USP13: variants seen among roughly 807,000 people sequenced by gnomAD.
USP13 encodes the protein ubiquitin carboxyl-terminal hydrolase 13.
In USP13, 68 loss-of-function variants were observed where a neutral mutation model predicts 107.8. The observed-to-expected ratio is 0.63, with a 90% CI of 0.52 to 0.77. The LOEUF is 0.77. Ranked by LOEUF, USP13 falls within the 30% of genes least tolerant of loss-of-function variation. The pLI is 0.00. For missense variants in USP13, 945 were observed against 1,093.3 expected, an observed-to-expected ratio of 0.86 and a Z score of 1.91; for synonymous variants, 377 against 389.5, an observed-to-expected ratio of 0.97 and a Z score of 0.38.
chr3:179,687,183 C>T (rs1711902355), intron 2 of USP13, among the ~76,000 whole-genome samples: 1 of 152,182 alleles, frequency 6.6e-6, no homozygotes, highest in African/African-American at 2.4e-5. Flanking sequence ...CCAGACTGAA[C>T]ACAGTATTCT....
At chr3:179,776,166 G>A (rs764074017) in intron 19 of USP13, among the ~76,000 whole-genome samples, 6 of 152,152 alleles carry the variant, frequency 3.9e-5, no homozygotes, top group Non-Finnish European at 7.4e-5. Context: ...TAGATCAGGA[G>A]CCAGCAACTT....
intron 8 of USP13, among the ~76,000 whole-genome samples, chr3:179,727,163 GTTTT>G (rs528617941): frequency 4.8e-4 from 55 of 114,350 alleles, no homozygotes; most frequent in African/African-American, 1.4e-3. Flanking sequence ...AATTTTTAAT[GTTTT>G]TTTTTTTTTT....
intron 3 of USP13, among the ~76,000 whole-genome samples, chr3:179,694,002 C>T (rs1712200110): frequency 6.6e-6 from 1 of 151,228 alleles, no homozygotes; most frequent in South Asian, 2.1e-4. Flanking sequence ...GACAGCATCT[C>T]ACTGTGTCAC....
At chr3:179,727,961 G>A (rs1176476678) in intron 8 of USP13, among the ~76,000 whole-genome samples, 1 of 62,932 alleles carries the variant, frequency 1.6e-5, no homozygotes, top group Non-Finnish European at 4.0e-5. Flanking sequence ...GAGGCGGCTG[G>A]CTGGGCGGGG....
intron 12 of USP13, among the ~76,000 whole-genome samples, chr3:179,743,075 C>T (rs898783358): frequency 6.6e-6 from 1 of 152,202 alleles, no homozygotes; most frequent in Non-Finnish European, 1.5e-5. Context: ...CACTATGCAG[C>T]CATGAAAAGG....
intron 1 of USP13, among the ~76,000 whole-genome samples, chr3:179,669,803 C>G (rs1235228177): frequency 6.6e-6 from 1 of 151,526 alleles, no homozygotes; most frequent in Non-Finnish European, 1.5e-5. Flanking sequence ...TGGGTCTAGA[C>G]TATAGCCTCT....
At chr3:179,670,980 A>G (rs1298592854) in intron 1 of USP13, among the ~76,000 whole-genome samples, 1 of 152,052 alleles carries the variant, frequency 6.6e-6, no homozygotes, top group Admixed American at 6.5e-5. Flanking sequence ...TACAGGTGTG[A>G]ACCACCATGT....
intron 1 of USP13, among the ~76,000 whole-genome samples, chr3:179,666,639 C>T (rs1720593963): frequency 6.6e-6 from 1 of 152,216 alleles, no homozygotes; most frequent in Non-Finnish European, 1.5e-5. Flanking sequence ...AAACCTCTCT[C>T]CTGCCCCGCA....
At chr3:179,714,506 G>A (rs888380689) in intron 6 of USP13, among the ~76,000 whole-genome samples, 3 of 152,182 alleles carry the variant, frequency 2.0e-5, no homozygotes, top group Admixed American at 1.3e-4. Context: ...CACCCAGGAC[G>A]GCAGGGCCTA....
chr3:179,773,776 C>G, intron 19 of USP13, among the ~76,000 whole-genome samples: 1 of 152,118 alleles, frequency 6.6e-6, no homozygotes, highest in East Asian at 1.9e-4. Context: ...TCTGTCAGGA[C>G]CATAAATCCT....
chr3:179,667,393 A>G (rs1479112273), intron 1 of USP13, among the ~76,000 whole-genome samples: 1 of 152,198 alleles, frequency 6.6e-6, no homozygotes, highest in Non-Finnish European at 1.5e-5. Context: ...GAAAATCATC[A>G]CTTTTAAAAA....
intron 2 of USP13, among the ~76,000 whole-genome samples, chr3:179,685,431 A>C (rs1185683417): frequency 1.3e-5 from 2 of 152,134 alleles, no homozygotes; most frequent in African/African-American, 4.8e-5. Flanking sequence ...AGTTCCTAAC[A>C]AAGAAGAGGG....
chr3:179,706,609 A>G (rs1473389773), intron 4 of USP13, among the ~76,000 whole-genome samples: 1 of 152,142 alleles, frequency 6.6e-6, no homozygotes, highest in African/African-American at 2.4e-5. Flanking sequence ...ATCTAATTTC[A>G]CCCTTGCAAA....
At chr3:179,690,504 C>T (rs1439029483) in intron 3 of USP13, among the ~76,000 whole-genome samples, 3 of 152,180 alleles carry the variant, frequency 2.0e-5, no homozygotes, top group African/African-American at 7.2e-5. Context: ...GGGTTTAGTG[C>T]TTTGAAGCAA....
intron 6 of USP13, among the ~76,000 whole-genome samples, chr3:179,711,142 T>G (rs1276758704): frequency 6.6e-6 from 1 of 152,226 alleles, no homozygotes; most frequent in Admixed American, 6.5e-5. Flanking sequence ...TGAACTTAAT[T>G]TTTTTAGCTT....
At chr3:179,683,985 G>A (rs912981624) in intron 2 of USP13, among the ~76,000 whole-genome samples, 2 of 151,604 alleles carry the variant, frequency 1.3e-5, no homozygotes, top group South Asian at 2.1e-4. Context: ...TTTTTGAGAC[G>A]GAGTCTCTCT....
intron 1 of USP13, among the ~76,000 whole-genome samples, chr3:179,675,596 G>A (rs1720871424): frequency 6.6e-6 from 1 of 151,692 alleles, no homozygotes; most frequent in Non-Finnish European, 1.5e-5. Context: ...TGCCCAAGCT[G>A]GAGTGCAGTG....
chr3:179,653,296 T>A lies in USP13; in HGVS notation c.71T>A (p.Ile24Asn), dbSNP rs1720141252. The A allele has an allele frequency of 6.4e-7, 1 of 1,573,990 alleles. No individual in the cohort carries two copies. The highest frequency in any genetic ancestry group is 1.4e-5 in the African/African-American group (1 of 74,054). The change falls in exon 1 of 21, where the codon ATC (isoleucine) becomes AAC (asparagine). Residue 24 changes from isoleucine (I) to asparagine (N), a missense_variant. Physicochemically the swap from Ile to Asn is moderately radical, Grantham distance 149. Transcript: ENST00000263966. This position sits in a 1 kb window ranked among gnomAD's most constrained non-coding sequence, Gnocchi z 4.0. ...SGGRKMAAGD[I>N]GELLVPHMPT... ...GGCAGGAAGATGGCTGCAGGAGACA[T>A]CGGCGAGCTGCTAGTGCCCCACATG...
Position 179,653,566 on chromosome 3 carries a change from A to G in USP13, c.168+173A>G. ...TTAGTGAGCGCCCCAGGGCTGCTGCAGCCGAGGACTGGCTCGTGCTGGTGG... is the reference window on the plus strand; with the variant it reads ...TTAGTGAGCGCCCCAGGGCTGCTGCGGCCGAGGACTGGCTCGTGCTGGTGG... On this transcript the variant is annotated intron_variant, in intron 1 of 20. Coordinates refer to ENST00000263966, the MANE Select transcript of USP13 (RefSeq NM_003940.3). The surrounding 1 kb of genome is among the most constrained non-coding windows in gnomAD (Gnocchi z 4.0). 1 of 911,118 alleles carries G rather than the reference A, an allele frequency of 1.1e-6. No homozygotes were observed. The highest frequency in any genetic ancestry group is 1.6e-6 in the Non-Finnish European group (1 of 628,974). The allele number at this position is 911,118 out of a possible 1,614,324, so 56.4% of individuals were successfully genotyped here.
Sources: allele counts gnomAD v4.1 joint callset (sites outside exome capture counted in the v4.1 genomes callset), GRCh38; gene constraint gnomAD v4.1.1; non-coding constraint Gnocchi (gnomAD v3.1); transcripts MANE v1.5; gene names NCBI Gene and HGNC (gene_info 2026-07-23, HGNC 2026-07-21).